Variants in KCNT2 observed in about 807,000 individuals in gnomAD.
KCNT2 encodes the protein potassium channel subfamily T member 2.
Under a neutral mutation model 153.8 loss-of-function variants are expected in KCNT2, and 67 were observed. The ratio of observed to expected loss-of-function variants is 0.44; its 90% confidence interval spans 0.36 to 0.53. KCNT2 has a LOEUF of 0.53. KCNT2 is among the 20% of genes least tolerant of loss of function. KCNT2 has a pLI of 0.00. For missense variants in KCNT2, 975 were observed against 1,354.8 expected (o/e 0.72, Z 4.40); for synonymous variants, 500 against 458.8 (o/e 1.09, Z -1.15).
At chr1:196,408,941 A>G (rs1672059572) in intron 12 of KCNT2, among the ~76,000 whole-genome samples, 1 of 151,504 alleles carries the variant, frequency 6.6e-6, no homozygotes, top group African/African-American at 2.4e-5. Flanking sequence ...TTTTATACAG[A>G]TTGCTAAGAC....
chr1:196,342,198 C>CT lies in KCNT2; in HGVS notation c.1433dup (p.Lys479GlufsTer5). On this transcript the variant is annotated frameshift_variant, in exon 15 of 28. Coordinates refer to ENST00000294725, the MANE Select transcript of KCNT2 (RefSeq NM_198503.5). LOFTEE classifies it high-confidence loss of function. ...TCCCGGAGCATCTACCGTACATCTT[C>CT]TGCCATTGTTCTGGCGATTGCTGGC... 1.2e-6 allele frequency: 2 copies of CT among 1,611,592 alleles called. No homozygotes were observed. The highest frequency in any genetic ancestry group is 1.7e-6 in the Non-Finnish European group (2 of 1,178,962).
At chr1:196,360,204 T>G (rs1277197308) in intron 14 of KCNT2, among the ~76,000 whole-genome samples, 2 of 152,098 alleles carry the variant, frequency 1.3e-5, no homozygotes, top group Non-Finnish European at 2.9e-5. Flanking sequence ...AACTTACTTT[T>G]TTATTATTTA....
chr1:196,412,203 T>G (rs1170757171), intron 12 of KCNT2, among the ~76,000 whole-genome samples: 2 of 151,774 alleles, frequency 1.3e-5, no homozygotes, highest in African/African-American at 2.4e-5. Flanking sequence ...GTTCTCTTTT[T>G]AATAATTTTC....
intron 1 of KCNT2, among the ~76,000 whole-genome samples, chr1:196,568,475 A>T (rs548070827): frequency 6.6e-6 from 1 of 152,036 alleles, no homozygotes; most frequent in East Asian, 1.9e-4. Context: ...CGGCGCCTAT[A>T]GTCCCAGCTA....
At chr1:196,274,930 T>C (rs1429097180) in intron 25 of KCNT2, among the ~76,000 whole-genome samples, 1 of 151,856 alleles carries the variant, frequency 6.6e-6, no homozygotes, top group Non-Finnish European at 1.5e-5. Context: ...TTGTTCAGAT[T>C]TTGGAAAATT....
intron 8 of KCNT2, among the ~76,000 whole-genome samples, chr1:196,446,469 G>A (rs894191420): frequency 2.0e-5 from 3 of 151,322 alleles, no homozygotes; most frequent in East Asian, 2.0e-4. Flanking sequence ...AGTCCAACTC[G>A]TTTCTCTAAA....
At chr1:196,245,621 C>G (rs986698313) in intron 26 of KCNT2, among the ~76,000 whole-genome samples, 7 of 152,174 alleles carry the variant, frequency 4.6e-5, no homozygotes, top group Admixed American at 2.6e-4. Context: ...TTCAAGATAA[C>G]ACAGAGAAGG....
chr1:196,382,030 C>G (rs747414877), intron 13 of KCNT2, among the ~76,000 whole-genome samples: 1 of 151,938 alleles, frequency 6.6e-6, no homozygotes, highest in East Asian at 1.9e-4. Flanking sequence ...AGATACTTTG[C>G]CTGCTCTGAG....
intron 5 of KCNT2, among the ~76,000 whole-genome samples, chr1:196,472,587 G>A (rs973099944): frequency 2.0e-5 from 3 of 152,106 alleles, no homozygotes; most frequent in Non-Finnish European, 4.4e-5. Flanking sequence ...TTAATCCACT[G>A]ATTCACATCA....
chr1:196,391,436 A>G (rs1670484037), intron 13 of KCNT2, among the ~76,000 whole-genome samples: 1 of 151,474 alleles, frequency 6.6e-6, no homozygotes, highest in African/African-American at 2.4e-5. Context: ...ATAGGATATG[A>G]TAGAATATGT....
intron 21 of KCNT2, among the ~76,000 whole-genome samples, chr1:196,309,803 T>C (rs1661989070): frequency 6.6e-6 from 1 of 151,848 alleles, no homozygotes; most frequent in Non-Finnish European, 1.5e-5. Flanking sequence ...ATGTAGAACA[T>C]TTTAGAATTA....
At chr1:196,330,047 T>C (rs1162468267) in intron 18 of KCNT2, among the ~76,000 whole-genome samples, 1 of 144,798 alleles carries the variant, frequency 6.9e-6, no homozygotes, top group African/African-American at 2.6e-5. Flanking sequence ...ATGAAAGCAA[T>C]ATATATATAT....
At chr1:196,241,677 CTA>C (rs901555132) in intron 26 of KCNT2, among the ~76,000 whole-genome samples, 12 of 152,102 alleles carry the variant, frequency 7.9e-5, no homozygotes, top group Admixed American at 5.9e-4. Context: ...TCATATGAAA[CTA>C]TGAGCAAAAT....
chr1:196,389,905 T>C (rs1670323204), intron 13 of KCNT2, among the ~76,000 whole-genome samples: 1 of 151,650 alleles, frequency 6.6e-6, no homozygotes, highest in Non-Finnish European at 1.5e-5. Flanking sequence ...CATTCTACTA[T>C]GTCTGCTCAG....
intron 25 of KCNT2, among the ~76,000 whole-genome samples, chr1:196,267,356 G>A (rs980617667): frequency 5.3e-5 from 8 of 152,148 alleles, no homozygotes; most frequent in Admixed American, 4.6e-4. Flanking sequence ...TCACTGACAC[G>A]CTCGAGAAAC....
chr1:196,482,425 T>A, intron 3 of KCNT2, 46 bp from the exon 4 acceptor site: 1 of 1,038,196 alleles, frequency 9.6e-7, no homozygotes, highest in Non-Finnish European at 1.4e-6. Flanking sequence ...ATATGAAAAA[T>A]CTATTCACTT....
intron 1 of KCNT2, among the ~76,000 whole-genome samples, chr1:196,507,043 A>C (rs574391168): frequency 3.8e-4 from 58 of 152,190 alleles, no homozygotes; most frequent in Non-Finnish European, 5.3e-4. Flanking sequence ...GTAAATAATA[A>C]ATTTATTTTC....
chr1:196,578,295 A>G (rs112627146), intron 1 of KCNT2, among the ~76,000 whole-genome samples: 8,757 of 152,196 alleles, frequency 0.058, 393 homozygotes, highest in Non-Finnish European at 0.085. Context: ...GATGTTAGAT[A>G]GCACAGAAAG....
chr1:196,288,246 T>C (rs1243587403), intron 22 of KCNT2, among the ~76,000 whole-genome samples: 1 of 152,064 alleles, frequency 6.6e-6, no homozygotes, highest in Non-Finnish European at 1.5e-5. Flanking sequence ...GAAATGAGAC[T>C]AGAGCAATAA....
Sources: allele counts gnomAD v4.1 joint callset (sites outside exome capture counted in the v4.1 genomes callset), GRCh38; gene constraint gnomAD v4.1.1; transcripts MANE v1.5; gene names NCBI Gene and HGNC (gene_info 2026-07-23, HGNC 2026-07-21).